Variants in ZNF385B observed in about 807,000 individuals in gnomAD.
ZNF385B encodes the protein zinc finger protein 385B.
ZNF385B carries 23 observed loss-of-function variants against 39.2 expected under a neutral mutation model. That is an observed-to-expected ratio of 0.59 (90% CI 0.42 to 0.83). The LOEUF (loss-of-function observed/expected upper bound fraction) is 0.83. Ranked by LOEUF, ZNF385B falls within the 40% of genes least tolerant of loss-of-function variation. The pLI is 0.00. For synonymous variants in ZNF385B, 205 were observed against 222.6 expected (o/e 0.92, Z 0.70); for missense variants, 552 against 598.9 (o/e 0.92, Z 0.82).
In ZNF385B at chr2:179,695,361, T is replaced by G. The variant is rs118109849; in HGVS notation, c.298+74142A>C. Among the ~76,000 whole-genome samples, 35 of 152,142 alleles carry G rather than the reference T, an allele frequency of 2.3e-4. No homozygotes were observed. The East Asian group carries it at 6.0e-3, about 26-fold the overall frequency. ...ACTGGACTTCATCAAAACTAAACAATGTTGTGCCTCAAATGACACCATCAA... is the reference window on the plus strand; with the variant it reads ...ACTGGACTTCATCAAAACTAAACAAGGTTGTGCCTCAAATGACACCATCAA... On this transcript the variant is annotated intron_variant, in intron 3 of 9. Coordinates refer to ENST00000410066, the MANE Select transcript of ZNF385B (RefSeq NM_152520.6).
At chr2:179,798,366 G>T (rs1367098985) in intron 1 of ZNF385B, among the ~76,000 whole-genome samples, 1 of 152,006 alleles carries the variant, frequency 6.6e-6, no homozygotes, top group African/African-American at 2.4e-5. Flanking sequence ...GGCTAGGAGT[G>T]CTCAATATTA....
chr2:179,762,285 G>A (rs1354612560), intron 3 of ZNF385B, among the ~76,000 whole-genome samples: 2 of 152,088 alleles, frequency 1.3e-5, no homozygotes, highest in African/African-American at 4.8e-5. Flanking sequence ...CACCTCCCAG[G>A]TTCAAGTGAT....
At chr2:179,647,525 G>C (rs1246830855) in intron 3 of ZNF385B, among the ~76,000 whole-genome samples, 1 of 152,112 alleles carries the variant, frequency 6.6e-6, no homozygotes, top group Non-Finnish European at 1.5e-5. Context: ...GAGGACCACA[G>C]TCTCCTGCGT....
intron 4 of ZNF385B, among the ~76,000 whole-genome samples, chr2:179,523,785 T>C (rs1026755724): frequency 1.3e-5 from 2 of 151,968 alleles, no homozygotes; most frequent in Admixed American, 6.5e-5. Flanking sequence ...GTACAGGACT[T>C]TCTTTTATCT....
At chr2:179,625,348 T>C (rs1429833505) in intron 3 of ZNF385B, among the ~76,000 whole-genome samples, 1 of 151,992 alleles carries the variant, frequency 6.6e-6, no homozygotes, top group Admixed American at 6.6e-5. Context: ...AGAGCCTGAT[T>C]ATTTATATTT....
At chr2:179,678,973 A>T (rs2106321363) in intron 3 of ZNF385B, among the ~76,000 whole-genome samples, 1 of 152,362 alleles carries the variant, frequency 6.6e-6, no homozygotes, top group African/African-American at 2.4e-5. Context: ...CAACCAAATT[A>T]TAATTTCCTT....
intron 1 of ZNF385B, among the ~76,000 whole-genome samples, chr2:179,819,506 T>C (rs1707273775): frequency 6.6e-6 from 1 of 152,188 alleles, no homozygotes; most frequent in South Asian, 2.1e-4. Flanking sequence ...GGGTGAGACC[T>C]TTCCACCCCT....
At chr2:179,607,468 T>A (rs1688906520) in intron 3 of ZNF385B, among the ~76,000 whole-genome samples, 1 of 152,152 alleles carries the variant, frequency 6.6e-6, no homozygotes, top group South Asian at 2.1e-4. Context: ...CTGCCATGAT[T>A]GTAAGTTTCC....
At position 179,861,310 on chromosome 2, in the gene ZNF385B, GC is replaced by G. The variant is rs1033726295; in HGVS notation, c.-365del. 1.9e-5 allele frequency: 3 copies of G among 154,152 alleles called. No homozygotes were observed. The highest frequency in any genetic ancestry group is 7.3e-5 in the African/African-American group (3 of 41,364). 9.5% of individuals were successfully genotyped at this position (154,152 alleles called of 1,614,324 possible). A position where few individuals can be genotyped will look rare whatever the true frequency, so the allele number is the denominator to read the frequency against. ...GCGGGCGACAGCTCGGCCCGGCGCGGCCCCTGAACTGTCCAACTCTTGCCCG... is the reference window on the plus strand; with the variant it reads ...GCGGGCGACAGCTCGGCCCGGCGCGGCCCTGAACTGTCCAACTCTTGCCCG... On this transcript the variant is annotated 5_prime_UTR_variant, in exon 1 of 10. Coordinates refer to ENST00000410066, the MANE Select transcript of ZNF385B (RefSeq NM_152520.6).
At chr2:179,507,217 A>G (rs2057315232) in intron 5 of ZNF385B, among the ~76,000 whole-genome samples, 1 of 152,228 alleles carries the variant, frequency 6.6e-6, no homozygotes, top group Non-Finnish European at 1.5e-5. Flanking sequence ...AGATTCAGTC[A>G]TATGTCTTAA....
chr2:179,610,524 C>G (rs1689202194), intron 3 of ZNF385B, among the ~76,000 whole-genome samples: 1 of 152,080 alleles, frequency 6.6e-6, no homozygotes. Flanking sequence ...CTCAGGATAT[C>G]ATTGGCTAAT....
Position 179,544,868 on chromosome 2 carries a change from C to A in ZNF385B, c.400G>T (p.Asp134Tyr). Residue 134 changes from aspartate (D) to tyrosine (Y), a missense_variant, in exon 4 of 10, where the codon GAC (aspartate) becomes TAC (tyrosine). Transcript: ENST00000410066. ...AAGAGCCCAACAGCAGAACTACTGT[C>A]CACTGGAAAAGACATAAATGGTTTG... Reference protein sequence around the residue: ...DIKPFMSFPVDSSSAVGLFPN... With the variant: ...DIKPFMSFPVYSSSAVGLFPN... 6.2e-7 allele frequency: 1 copy of A among 1,614,078 alleles called. No individual in the cohort carries two copies. The highest frequency in any genetic ancestry group is 8.5e-7 in the Non-Finnish European group (1 of 1,179,954).
At chr2:179,530,705 A>T (rs748904081) in intron 4 of ZNF385B, among the ~76,000 whole-genome samples, 1 of 152,226 alleles carries the variant, frequency 6.6e-6, no homozygotes, top group Non-Finnish European at 1.5e-5. Context: ...TTTCTGTTCG[A>T]ATATATTTCT....
chr2:179,857,738 T>C (rs1049418587), intron 1 of ZNF385B, among the ~76,000 whole-genome samples: 1 of 152,170 alleles, frequency 6.6e-6, no homozygotes, highest in East Asian at 1.9e-4. Context: ...GATTCCAACA[T>C]TGAAAAATAA....
Position 179,552,322 on chromosome 2 carries a change from C to A in ZNF385B, c.299-7353G>T, listed in dbSNP as rs371493719. ...CTTCAAAAGAGTATGCCAGAGTCAA[C>A]AAATATGCATGAAGAAGCATTTGCA... On this transcript the variant is annotated intron_variant, in intron 3 of 9. Coordinates refer to ENST00000410066, the MANE Select transcript of ZNF385B (RefSeq NM_152520.6). 8.7e-5 allele frequency among the ~76,000 whole-genome samples: 13 copies of A among 149,152 alleles called. 2 individuals are homozygous for A. The highest frequency in any genetic ancestry group is 3.3e-4 in the African/African-American group (13 of 39,616).
At chr2:179,719,888 G>A (rs111897048) in intron 3 of ZNF385B, among the ~76,000 whole-genome samples, 1 of 152,118 alleles carries the variant, frequency 6.6e-6, no homozygotes, top group Non-Finnish European at 1.5e-5. Context: ...CCAAGTCCCC[G>A]CAAGGTATAC....
At chr2:179,476,830 A>T (rs566101433) in intron 6 of ZNF385B, among the ~76,000 whole-genome samples, 116 of 152,188 alleles carry the variant, frequency 7.6e-4, no homozygotes, top group African/African-American at 2.7e-3. Flanking sequence ...GACAGATGGG[A>T]CTCATTTATG....
rs531248947 is a variant in ZNF385B, at chr2:179,549,825, A to G, written c.299-4856T>C. Among the ~76,000 whole-genome samples the G allele has an allele frequency of 1.0e-3, 153 of 149,484 alleles. 8 individuals carry two copies. Among genetic ancestry groups the G allele is most frequent in the Non-Finnish European group, 1.7e-3 (114 of 67,586 alleles). ...TTCAGGTCAGCCCCATCCATTAGGG[A>G]AGACAGAGTAGCATTCAGCAAAAAT... On this transcript the variant is annotated intron_variant, in intron 3 of 9. Coordinates refer to ENST00000410066, the MANE Select transcript of ZNF385B (RefSeq NM_152520.6).
intron 3 of ZNF385B, among the ~76,000 whole-genome samples, chr2:179,720,438 C>T: frequency 1.2e-5 from 1 of 81,038 alleles, no homozygotes; most frequent in Non-Finnish European, 2.3e-5. Flanking sequence ...GAAAGGAGAG[C>T]AGGGGAGAGG....
Sources: gnomAD v4.1 joint callset for allele counts (sites outside exome capture counted in the v4.1 genomes callset) on GRCh38, gnomAD v4.1.1 for gene constraint, MANE v1.5 for transcripts, NCBI Gene and HGNC (gene_info 2026-07-23, HGNC 2026-07-21) for gene names.